Variants in NF1 observed in about 807,000 individuals in gnomAD.
NF1 encodes neurofibromin.
Under a neutral mutation model 325.7 loss-of-function variants are expected in NF1, and 122 were observed. The ratio of observed to expected loss-of-function variants is 0.37; its 90% CI spans 0.32 to 0.44. The LOEUF is 0.44. NF1 is among the 20% of genes least tolerant of loss of function. The pLI, the probability that NF1 is intolerant of heterozygous loss-of-function variation, is 1.00. For synonymous variants in NF1, 1,091 were observed against 1,186.0 expected (o/e 0.92, Z 1.65); for missense variants, 2,140 against 3,415.4 (o/e 0.63, Z 9.31).
chr17:31,196,952 T>A (rs1347555941), intron 8 of NF1, among the ~76,000 whole-genome samples: 1 of 152,234 alleles, frequency 6.6e-6, no homozygotes, highest in Non-Finnish European at 1.5e-5. Context: ...AGTTTTCAAA[T>A]AAGAAAGTGT....
intron 12 of NF1, among the ~76,000 whole-genome samples, chr17:31,208,298 A>G (rs765980303): frequency 6.6e-6 from 1 of 152,222 alleles, no homozygotes; most frequent in Admixed American, 6.5e-5. Context: ...GTACATAATG[A>G]CTAAAGGACA....
chr17:31,204,246 G>A (rs2066581313), intron 11 of NF1, among the ~76,000 whole-genome samples: 1 of 151,892 alleles, frequency 6.6e-6, no homozygotes, highest in African/African-American at 2.4e-5. Context: ...ACAATTTATC[G>A]TAATTTACAT....
At chr17:31,366,538 G>T (rs1391066709) in intron 57 of NF1, among the ~76,000 whole-genome samples, 2 of 152,084 alleles carry the variant, frequency 1.3e-5, no homozygotes, top group Non-Finnish European at 2.9e-5. Context: ...CTAAACCATT[G>T]CTCTAAACTT....
At chr17:31,285,527 G>T (rs151232048) in intron 36 of NF1, among the ~76,000 whole-genome samples, 72 of 152,232 alleles carry the variant, frequency 4.7e-4, no homozygotes, top group African/African-American at 1.7e-3. Context: ...AAAATGTCAC[G>T]TTTAGTAATA....
Position 31,320,343 on chromosome 17 carries a change from T to TAA in NF1, c.4836-5462_4836-5461dup, listed in dbSNP as rs74877638. 3.5e-3 allele frequency: 4,084 copies of TAA among 1,170,674 alleles called. 9 individuals carry two copies. The highest frequency in any genetic ancestry group is 0.015 in the African/African-American group (918 of 62,808). The allele number at this position is 1,170,674 out of a possible 1,614,324, so 72.5% of individuals were successfully genotyped here. On this transcript the variant is annotated intron_variant, in intron 36 of 57. Transcript: ENST00000358273. ...AAATGTACTTAGGAGTCCTTTTATTTAAAAAAAAAAAAAAAAGGCAGATTC... is the reference window on the plus strand; with the variant it reads ...AAATGTACTTAGGAGTCCTTTTATTTAAAAAAAAAAAAAAAAAAGGCAGATTC...
At chr17:31,221,243 G>A (rs1426124831) in intron 14 of NF1, among the ~76,000 whole-genome samples, 1 of 151,948 alleles carries the variant, frequency 6.6e-6, no homozygotes, top group Admixed American at 6.6e-5. Flanking sequence ...TATTGTAAAT[G>A]AATTATTTAA....
chr17:31,157,555 A>G (rs2065685644), intron 2 of NF1, among the ~76,000 whole-genome samples: 3 of 152,176 alleles, frequency 2.0e-5, no homozygotes, highest in African/African-American at 2.4e-5. Context: ...GTTTCAATAC[A>G]TATAATACAT....
intron 8 of NF1, among the ~76,000 whole-genome samples, chr17:31,189,443 C>G (rs1330966149): frequency 6.6e-6 from 1 of 152,090 alleles, no homozygotes; most frequent in African/African-American, 2.4e-5. Flanking sequence ...GATTTTAGTA[C>G]ATTAACAAAG....
rs2151426818 is a variant in NF1 at position 31,227,212 on chromosome 17, G to A, written c.2252-6G>A. ...AGTAACTTGATTTGCTGTTGTATTT[G>A]CTTAGGAAGAGCAGCACTTCAGAAA... On this transcript the variant is annotated splice_polypyrimidine_tract_variant and splice_region_variant and intron_variant, in intron 18 of 57. Transcript: ENST00000358273. The A allele has an allele frequency of 1.2e-6, 2 of 1,613,534 alleles. No individual in the cohort carries two copies. Among genetic ancestry groups the A allele is most frequent in the South Asian group, 2.2e-5 (2 of 91,074 alleles).
chr17:31,170,643 C>T lies in NF1; in HGVS notation c.586+646C>T, dbSNP rs186071606. Reference sequence around the variant, plus strand: ...ACATGATTATGTGGATTGAAATAAACGATCAGAAGGAATTGAGATATGTTC... The same window carrying T: ...ACATGATTATGTGGATTGAAATAAATGATCAGAAGGAATTGAGATATGTTC... On this transcript the variant is annotated intron_variant, in intron 5 of 57. Coordinates refer to ENST00000358273, the MANE Select transcript of NF1 (RefSeq NM_001042492.3). 5.3e-5 allele frequency among the ~76,000 whole-genome samples: 8 copies of T among 152,138 alleles called. No individual in the cohort carries two copies. The East Asian group carries it at 5.8e-4, about 11-fold the overall frequency.
intron 8 of NF1, among the ~76,000 whole-genome samples, chr17:31,199,391 A>T (rs1340786846): frequency 6.6e-6 from 1 of 151,972 alleles, no homozygotes; most frequent in African/African-American, 2.4e-5. Context: ...TAGTTTTTTT[A>T]TCTGCTGTTG....
At chr17:31,217,754 C>T (rs1226635580) in intron 13 of NF1, among the ~76,000 whole-genome samples, 4 of 151,588 alleles carry the variant, frequency 2.6e-5, no homozygotes, top group Non-Finnish European at 4.4e-5. Context: ...CACCTGAGGT[C>T]AGGAGTTCGA....
At chr17:31,126,904 C>T (rs1020096348) in intron 1 of NF1, among the ~76,000 whole-genome samples, 2 of 152,040 alleles carry the variant, frequency 1.3e-5, no homozygotes, top group Admixed American at 6.6e-5. Flanking sequence ...TAAGATAATT[C>T]TCTATTTTCT....
At chr17:31,097,512 A>AGC (rs2143172656) in intron 1 of NF1, among the ~76,000 whole-genome samples, 1 of 152,032 alleles carries the variant, frequency 6.6e-6, no homozygotes, top group Non-Finnish European at 1.5e-5. Flanking sequence ...TACCCAGTAA[A>AGC]GCAAGAAAGT....
chr17:31,336,601 T>TC lies in NF1; in HGVS notation c.6148-34_6148-33insC, dbSNP rs2069677176. On this transcript the variant is annotated intron_variant, in intron 41 of 57. Transcript: ENST00000358273. The surrounding 1 kb of genome is among the most constrained non-coding windows in gnomAD (Gnocchi z 5.5). ...GCTAAAACTTTGAGTCCCATGTTTT[T>TC]TTTTTTAAAAAAAAAAATCCTGCTT... 1 of 1,535,068 alleles carries TC rather than the reference T, an allele frequency of 6.5e-7. No homozygotes were observed. The highest frequency in any genetic ancestry group is 1.2e-5 in the South Asian group (1 of 83,066).
chr17:31,241,849 G>A (rs907498747), intron 29 of NF1, among the ~76,000 whole-genome samples: 1 of 152,092 alleles, frequency 6.6e-6, no homozygotes, highest in African/African-American at 2.4e-5. Context: ...TGTACCTTCA[G>A]ATTTCTTATT....
At chr17:31,189,854 C>T (rs970389090) in intron 8 of NF1, among the ~76,000 whole-genome samples, 8 of 149,096 alleles carry the variant, frequency 5.4e-5, no homozygotes, top group East Asian at 2.0e-4. Context: ...CCCCGCCTCT[C>T]GGGTTCAAGC....
At chr17:31,128,314 C>G (rs1037457063) in intron 1 of NF1, 1 of 151,998 alleles carries the variant, frequency 6.6e-6, no homozygotes, top group Admixed American at 6.6e-5. Context: ...GCATTTAGCC[C>G]GTTTACATTC....
At chr17:31,135,853 A>G (rs1048933597) in intron 1 of NF1, among the ~76,000 whole-genome samples, 1 of 152,012 alleles carries the variant, frequency 6.6e-6, no homozygotes, top group Non-Finnish European at 1.5e-5. Context: ...TTGTGATTAC[A>G]GGTGTGAACC....
Sources: gnomAD v4.1 joint callset for allele counts (sites outside exome capture counted in the v4.1 genomes callset) on GRCh38, gnomAD v4.1.1 for gene constraint, Gnocchi (gnomAD v3.1) non-coding constraint, MANE v1.5 for transcripts, NCBI Gene and HGNC (gene_info 2026-07-23, HGNC 2026-07-21) for gene names.